Variants in NOX4 observed in about 807,000 individuals in gnomAD.
NOX4 encodes the protein NADPH oxidase 4.
NOX4 carries 69 observed loss-of-function variants against 87.6 expected under a neutral mutation model. The ratio of observed to expected loss-of-function variants is 0.79; its 90% CI spans 0.65 to 0.96. The LOEUF (loss-of-function observed/expected upper bound fraction) is 0.96, where lower values mean the gene tolerates loss of function less well. Ranked by LOEUF, NOX4 falls within the 40% of genes least tolerant of loss-of-function variation. The probability of loss-of-function intolerance (pLI) is 0.00; values close to 1 mark genes in which losing one functional copy is unlikely to be tolerated. For missense variants in NOX4, 680 were observed against 681.5 expected (o/e 1.00, Z 0.02); for synonymous variants, 275 against 238.2 (o/e 1.15, Z -1.42).
chr11:89,376,621 G>A (rs1052246376), intron 11 of NOX4, among the ~76,000 whole-genome samples: 7 of 152,154 alleles, frequency 4.6e-5, no homozygotes, highest in South Asian at 2.1e-4. Context: ...AGTGGCTCAC[G>A]CCTGTAATCC....
chr11:89,448,283 G>A (rs1020433708), intron 4 of NOX4, among the ~76,000 whole-genome samples: 2 of 151,894 alleles, frequency 1.3e-5, no homozygotes, highest in African/African-American at 4.8e-5. Flanking sequence ...AAAACAGAAG[G>A]GCAACTGAGG....
At chr11:89,511,396 A>G in the NOX4 span, among the ~76,000 whole-genome samples, 6 of 151,742 alleles carry the variant, frequency 4.0e-5, no homozygotes, top group African/African-American at 1.5e-4. Flanking sequence ...TCTTTTTTTC[A>G]TCCCTTACTC....
chr11:89,451,967 G>GGGTGAGACCTCT, intron 2 of NOX4, 72 bp from the exon 3 acceptor site: 2 of 976,964 alleles, frequency 2.0e-6, no homozygotes, highest in Non-Finnish European at 3.3e-6. Context: ...CTAGAAGCTA[G>GGGTGAGACCTCT]AGGTCTCACC....
intron 11 of NOX4, among the ~76,000 whole-genome samples, chr11:89,386,276 G>C (rs1472661799): frequency 1.3e-5 from 2 of 152,078 alleles, no homozygotes; most frequent in African/African-American, 2.4e-5. Flanking sequence ...ACTATCTTCT[G>C]TCTAGTCAAA....
chr11:89,373,734 G>A (rs1424343607), intron 11 of NOX4, among the ~76,000 whole-genome samples: 1 of 151,836 alleles, frequency 6.6e-6, no homozygotes, highest in Non-Finnish European at 1.5e-5. Context: ...AATTACACAC[G>A]TTAAAATTGC....
At chr11:89,532,330 G>A in the NOX4 span, among the ~76,000 whole-genome samples, 18 of 152,220 alleles carry the variant, frequency 1.2e-4, no homozygotes, top group Admixed American at 9.2e-4. Context: ...GGCCTTGGGA[G>A]CCCACCCCTT....
chr11:89,448,389 T>C (rs1944805412), intron 4 of NOX4, among the ~76,000 whole-genome samples: 2 of 152,178 alleles, frequency 1.3e-5, no homozygotes, highest in South Asian at 4.1e-4. Context: ...ATCTAAAAGC[T>C]CAGGATCAAA....
At chr11:89,475,916 G>A (rs867170045) in intron 2 of NOX4, among the ~76,000 whole-genome samples, 24 of 152,062 alleles carry the variant, frequency 1.6e-4, no homozygotes, top group Middle Eastern at 6.8e-3. Flanking sequence ...ATTTCTTATG[G>A]TTTGCTTTTC....
At chr11:89,429,742 C>G (rs934009635) in intron 7 of NOX4, among the ~76,000 whole-genome samples, 22 of 149,668 alleles carry the variant, frequency 1.5e-4, no homozygotes, top group Middle Eastern at 3.4e-3. Context: ...AAAAAAGGAC[C>G]AGATGGATTC....
At chr11:89,520,585 A>G in the NOX4 span, among the ~76,000 whole-genome samples, 1 of 152,100 alleles carries the variant, frequency 6.6e-6, no homozygotes, top group African/African-American at 2.4e-5. Context: ...CCAACAACCA[A>G]CACCCCACAC....
intron 2 of NOX4, among the ~76,000 whole-genome samples, chr11:89,486,297 T>A (rs1946593344): frequency 6.7e-6 from 1 of 148,562 alleles, no homozygotes; most frequent in African/African-American, 2.5e-5. Context: ...ATAAATTTAT[T>A]TATTTAAATA....
the NOX4 span, among the ~76,000 whole-genome samples, chr11:89,584,980 T>C: frequency 9.9e-3 from 1,514 of 152,248 alleles, 29 homozygotes; most frequent in African/African-American, 0.035. Flanking sequence ...TTAAGTTGTT[T>C]TTGGTATAAT....
the NOX4 span, among the ~76,000 whole-genome samples, chr11:89,543,622 C>A: frequency 1.3e-5 from 2 of 151,904 alleles, no homozygotes; most frequent in Admixed American, 1.3e-4. Context: ...AATAGGGAGT[C>A]GAGGACGCTG....
chr11:89,508,595 GAGA>G, the NOX4 span, among the ~76,000 whole-genome samples: 2 of 152,052 alleles, frequency 1.3e-5, no homozygotes, highest in African/African-American at 2.4e-5. Context: ...GATATGTTGA[GAGA>G]CTGCCCAAAC....
chr11:89,353,321 A>T (rs915444683), intron 13 of NOX4, among the ~76,000 whole-genome samples: 14 of 152,188 alleles, frequency 9.2e-5, no homozygotes, highest in Admixed American at 9.2e-4. Context: ...TCATGGTTTT[A>T]TGCTAAGAAA....
intron 2 of NOX4, among the ~76,000 whole-genome samples, chr11:89,467,641 C>A (rs1483308908): frequency 6.6e-6 from 1 of 152,142 alleles, no homozygotes; most frequent in Non-Finnish European, 1.5e-5. Context: ...GGCACTAATG[C>A]CAGTCATGAG....
At chr11:89,347,392 G>C (rs1445055493) in intron 13 of NOX4, among the ~76,000 whole-genome samples, 1 of 152,202 alleles carries the variant, frequency 6.6e-6, no homozygotes, top group Non-Finnish European at 1.5e-5. Flanking sequence ...TGGCAGAACA[G>C]AGCTGACAAC....
At chr11:89,435,752 C>T (rs772744716) in intron 6 of NOX4, among the ~76,000 whole-genome samples, 1 of 152,108 alleles carries the variant, frequency 6.6e-6, no homozygotes, top group Non-Finnish European at 1.5e-5. Flanking sequence ...GGATTATACT[C>T]TTGTTACTGT....
intron 6 of NOX4, among the ~76,000 whole-genome samples, chr11:89,438,653 A>C (rs1374869412): frequency 1.4e-5 from 1 of 69,214 alleles, no homozygotes; most frequent in Non-Finnish European, 2.3e-5. Flanking sequence ...ACTCTATATA[A>C]TATATACTAT....
Sources: gnomAD v4.1 joint callset for allele counts (sites outside exome capture counted in the v4.1 genomes callset) on GRCh38, gnomAD v4.1.1 for gene constraint, MANE v1.5 for transcripts, NCBI Gene and HGNC (gene_info 2026-07-23, HGNC 2026-07-21) for gene names.